Variants in GPATCH8 observed in about 807,000 individuals in gnomAD.
GPATCH8 encodes G patch domain-containing protein 8.
In GPATCH8, 18 loss-of-function variants were observed where a neutral mutation model predicts 118.3. That is an observed-to-expected ratio of 0.15 (90% CI 0.11 to 0.23). GPATCH8 has a LOEUF of 0.23. GPATCH8 is among the 10% of genes least tolerant of loss of function. GPATCH8 has a pLI of 1.00. For synonymous variants in GPATCH8, 659 were observed against 684.7 expected (o/e 0.96, Z 0.59); for missense variants, 1,631 against 1,873.8 (o/e 0.87, Z 2.39).
At chr17:44,459,101 T>C (rs1480101217) in intron 3 of GPATCH8, among the ~76,000 whole-genome samples, 2 of 152,168 alleles carry the variant, frequency 1.3e-5, no homozygotes, top group Non-Finnish European at 2.9e-5. Context: ...TTTCAGAAGT[T>C]AGACTCAGGA....
At chr17:44,464,361 A>G (rs1385763950) in intron 3 of GPATCH8, 111 bp downstream of exon 3, 3 of 780,740 alleles carry the variant, frequency 3.8e-6, no homozygotes, top group African/African-American at 1.7e-5. Flanking sequence ...GGAAAAAGGT[A>G]GTAGGGAGAA....
chr17:44,481,100 G>A (rs1016466074), intron 1 of GPATCH8, among the ~76,000 whole-genome samples: 1 of 152,090 alleles, frequency 6.6e-6, no homozygotes, highest in Non-Finnish European at 1.5e-5. Flanking sequence ...TGGTAGAGAT[G>A]GGGTTTTGCC....
chr17:44,482,161 C>G (rs1028830722), intron 1 of GPATCH8, among the ~76,000 whole-genome samples: 1 of 151,340 alleles, frequency 6.6e-6, no homozygotes, highest in Non-Finnish European at 1.5e-5. Context: ...TAAGTGGGAG[C>G]TGAACAATGA....
rs753767222 is a variant in GPATCH8, at chr17:44,400,479, G to A, written c.1598C>T (p.Pro533Leu). ...GKESQEGPKH[P>L]TGPFFPVLSK... ...CAAAACTGGGAAGAAGGGACCAGTA[G>A]GATGTTTGGGTCCTTCTTGGCTTTC... The change falls in exon 8 of 8, where the codon CCT (proline) becomes CTT (leucine). Residue 533 changes from proline to leucine, a missense_variant. Transcript: ENST00000591680. 6.2e-7 allele frequency: 1 copy of A among 1,614,110 alleles called. No individual in the cohort carries two copies. Among genetic ancestry groups the A allele is most frequent in the Admixed American group, 1.7e-5 (1 of 60,028 alleles).
rs772775727 is a variant in GPATCH8 at position 44,399,648 on chromosome 17, C to T, written c.2429G>A (p.Arg810Gln). 40 of 1,614,080 alleles carry T rather than the reference C, an allele frequency of 2.5e-5. No individual in the cohort carries two copies. The highest frequency in any genetic ancestry group is 3.1e-5 in the Non-Finnish European group (37 of 1,180,018). Reference sequence around the variant, plus strand: ...CTCATCTCCACTACTGGGTTGGCTCCGATGGCTAGACCGGCTGCTCCGTTT... The same window carrying T: ...CTCATCTCCACTACTGGGTTGGCTCTGATGGCTAGACCGGCTGCTCCGTTT... Reference protein sequence around the residue: ...GTKRSSRSSHRSQPSSGDEDS... With the variant: ...GTKRSSRSSHQSQPSSGDEDS... The change falls in exon 8 of 8, where the codon CGG (arginine) becomes CAG (glutamine). Residue 810 changes from arginine to glutamine, a missense_variant. Around this residue, in one of 8 missense-constraint regions of GPATCH8, gnomAD observed 922 missense variants for 879.7 expected, o/e 1.05. Transcript: ENST00000591680.
chr17:44,493,188 G>T (rs1163257624), intron 1 of GPATCH8, among the ~76,000 whole-genome samples: 1 of 151,050 alleles, frequency 6.6e-6, no homozygotes, highest in African/African-American at 2.4e-5. Flanking sequence ...CCCCTCCGCA[G>T]TAGGTGGGAC....
intron 3 of GPATCH8, among the ~76,000 whole-genome samples, chr17:44,455,435 G>C (rs1262870732): frequency 6.6e-6 from 1 of 151,900 alleles, no homozygotes; most frequent in Non-Finnish European, 1.5e-5. Context: ...AGGAGGTAGA[G>C]GTTGCGGTGA....
At chr17:44,495,798 A>G (rs1969624911) in intron 1 of GPATCH8, among the ~76,000 whole-genome samples, 1 of 152,270 alleles carries the variant, frequency 6.6e-6, no homozygotes, top group South Asian at 2.1e-4. Flanking sequence ...TCATAGCTCT[A>G]TTCATAGCAA....
intron 1 of GPATCH8, among the ~76,000 whole-genome samples, chr17:44,475,812 G>T (rs1967722633): frequency 6.6e-6 from 1 of 152,078 alleles, no homozygotes; most frequent in African/African-American, 2.4e-5. Flanking sequence ...GATCACTTGA[G>T]GACAAGAGTT....
intron 1 of GPATCH8, 105 bp from the exon 2 acceptor site, chr17:44,475,008 T>TTA: frequency 1.5e-6 from 1 of 681,162 alleles, no homozygotes; most frequent in Admixed American, 2.2e-5. Flanking sequence ...TTTTTTTTTT[T>TTA]AACCTAAAAG....
At position 44,399,910 on chromosome 17, in the gene GPATCH8, CTGA is replaced by C; in HGVS notation, c.2164_2166del (p.Ser722del). 1.9e-6 allele frequency: 3 copies of C among 1,614,012 alleles called. No individual in the cohort carries two copies. The South Asian group carries it at 3.3e-5, about 18-fold the overall frequency. On this transcript the variant is annotated inframe_deletion, in exon 8 of 8. Coordinates refer to ENST00000591680, the MANE Select transcript of GPATCH8 (RefSeq NM_001002909.4). ...GGTCCTCGTTCAGAATCTGCTGGGGCTGATGACTTATTCTTCTTTCGTTTTCGT... is the reference window on the plus strand; with the variant it reads ...GGTCCTCGTTCAGAATCTGCTGGGGCTGACTTATTCTTCTTTCGTTTTCGT...
At chr17:44,488,076 C>T (rs1273105997) in intron 1 of GPATCH8, among the ~76,000 whole-genome samples, 1 of 150,984 alleles carries the variant, frequency 6.6e-6, no homozygotes, top group African/African-American at 2.4e-5. Context: ...GAGTGCGCCA[C>T]CACATCCGGG....
chr17:44,464,933 A>T, intron 2 of GPATCH8: 1 of 165,624 alleles, frequency 6.0e-6, no homozygotes, highest in Non-Finnish European at 1.3e-5. Context: ...CCACTTTAAG[A>T]TTTTTTTTTT....
chr17:44,428,428 G>C (rs1012398494), intron 5 of GPATCH8, among the ~76,000 whole-genome samples: 2 of 151,924 alleles, frequency 1.3e-5, no homozygotes, highest in African/African-American at 4.8e-5. Flanking sequence ...GGGTGGTGGA[G>C]GTTGCAATAA....
chr17:44,483,154 CAAAAAAAA>C (rs1178488342), intron 1 of GPATCH8, among the ~76,000 whole-genome samples: 12 of 846 alleles, frequency 0.014, no homozygotes, highest in African/African-American at 0.043. Context: ...GACTCCGTCT[CAAAAAAAA>C]AAAAAAAAAA....
At chr17:44,478,609 G>A (rs1967959154) in intron 1 of GPATCH8, among the ~76,000 whole-genome samples, 1 of 152,028 alleles carries the variant, frequency 6.6e-6, no homozygotes, top group South Asian at 2.1e-4. Flanking sequence ...ACTGCTGTGA[G>A]CTGACTGAGC....
chr17:44,456,143 T>C (rs1188598913), intron 3 of GPATCH8, among the ~76,000 whole-genome samples: 28 of 152,246 alleles, frequency 1.8e-4, no homozygotes. Context: ...CTAGCTATGT[T>C]GCCCAGGCTA....
At chr17:44,491,940 C>T (rs1040949071) in intron 1 of GPATCH8, among the ~76,000 whole-genome samples, 1 of 152,086 alleles carries the variant, frequency 6.6e-6, no homozygotes, top group Non-Finnish European at 1.5e-5. Context: ...GGAGAAAAAG[C>T]CTATCCAAAA....
At chr17:44,469,794 T>C (rs946017995) in intron 2 of GPATCH8, among the ~76,000 whole-genome samples, 2 of 152,214 alleles carry the variant, frequency 1.3e-5, no homozygotes, top group Non-Finnish European at 2.9e-5. Context: ...AGCCATATAG[T>C]AATGCTACAC....
Sources: allele counts gnomAD v4.1 joint callset (sites outside exome capture counted in the v4.1 genomes callset), GRCh38; gene constraint gnomAD v4.1.1; regional missense constraint gnomAD v4.1.1; transcripts MANE v1.5; gene names NCBI Gene and HGNC (gene_info 2026-07-23, HGNC 2026-07-21).